PARD3B: variants seen among roughly 807,000 people sequenced by gnomAD.
PARD3B encodes the protein par-3 family cell polarity regulator beta, also known as partitioning defective 3 homolog B.
PARD3B carries 103 observed loss-of-function variants against 130.2 expected under a neutral mutation model. That is an observed-to-expected ratio of 0.79 (90% CI 0.67 to 0.93). The LOEUF is 0.93. Ranked by LOEUF, PARD3B falls within the 40% of genes least tolerant of loss-of-function variation. PARD3B has a pLI of 0.00. For missense variants in PARD3B, 1,609 were observed against 1,499.2 expected (o/e 1.07, Z -1.21); for synonymous variants, 583 against 553.2 (o/e 1.05, Z -0.76).
chr2:204,932,765 A>G (rs974870666), intron 2 of PARD3B, among the ~76,000 whole-genome samples: 6 of 152,200 alleles, frequency 3.9e-5, no homozygotes, highest in Non-Finnish European at 7.4e-5. Flanking sequence ...ATAAACAGAC[A>G]AAACCATCAG....
chr2:204,570,528 C>A (rs998791196), intron 1 of PARD3B, among the ~76,000 whole-genome samples: 7 of 152,090 alleles, frequency 4.6e-5, no homozygotes, highest in Non-Finnish European at 7.3e-5. Context: ...GGTTTGGGGA[C>A]CTCTCAAAAA....
chr2:205,085,346 G>C (rs972363755), intron 4 of PARD3B, among the ~76,000 whole-genome samples: 2 of 151,930 alleles, frequency 1.3e-5, no homozygotes, highest in African/African-American at 4.8e-5. Context: ...AAAGGTAAGA[G>C]ACATTCAGTG....
rs1473762435 is a variant in PARD3B, at chr2:205,258,349, A to T, written c.2185+12527A>T. Among the ~76,000 whole-genome samples the T allele has an allele frequency of 1.3e-5, 2 of 151,946 alleles. No homozygotes were observed. Among genetic ancestry groups the T allele is most frequent in the African/African-American group, 4.8e-5 (2 of 41,362 alleles). On this transcript the variant is annotated intron_variant, in intron 16 of 22. Transcript: ENST00000406610. The surrounding 1 kb of genome is among the most constrained non-coding windows in gnomAD (Gnocchi z 4.9). ...TTCGATTAGCCCAGAGTGATCTTCC[A>T]CTCTATACGGCTGATTCACTCTGAT...
chr2:204,953,801 A>G (rs1197788866), intron 2 of PARD3B, among the ~76,000 whole-genome samples: 1 of 152,296 alleles, frequency 6.6e-6, no homozygotes, highest in East Asian at 1.9e-4. Context: ...ATTATGCTCA[A>G]CGTATTTCAC....
chr2:204,705,327 T>C (rs917266690), intron 2 of PARD3B, among the ~76,000 whole-genome samples: 2 of 152,168 alleles, frequency 1.3e-5, no homozygotes, highest in African/African-American at 2.4e-5. Context: ...ATTAATAATA[T>C]AGCAAGTAAT....
chr2:205,502,553 G>A (rs2050195542), intron 21 of PARD3B, among the ~76,000 whole-genome samples: 1 of 152,098 alleles, frequency 6.6e-6, no homozygotes, highest in South Asian at 2.1e-4. Flanking sequence ...ATATTGTTAT[G>A]AACTTAGAAC....
intron 18 of PARD3B, among the ~76,000 whole-genome samples, chr2:205,344,566 G>A (rs2043677903): frequency 6.6e-6 from 1 of 152,158 alleles, no homozygotes; most frequent in Non-Finnish European, 1.5e-5. Flanking sequence ...GATTTTGTGT[G>A]TCTGACTTCA....
At chr2:204,701,141 T>C (rs2037871612) in intron 2 of PARD3B, among the ~76,000 whole-genome samples, 2 of 152,178 alleles carry the variant, frequency 1.3e-5, no homozygotes. Context: ...TGAAAGATGA[T>C]TTTCAATATG....
chr2:205,534,055 C>CA (rs71410823), intron 21 of PARD3B, among the ~76,000 whole-genome samples: 3,934 of 129,334 alleles, frequency 0.03, 150 homozygotes, highest in African/African-American at 0.095. Context: ...GTGAAAAAGC[C>CA]AAAAAAAAAA....
At position 205,461,559 on chromosome 2, in the gene PARD3B, A is replaced by G. The variant is rs1323208964; in HGVS notation, c.3044+20887A>G. On this transcript the variant is annotated intron_variant, in intron 20 of 22. Transcript: ENST00000406610. The surrounding 1 kb of genome is among the most constrained non-coding windows in gnomAD (Gnocchi z 4.3). Reference sequence around the variant, plus strand: ...CCTCTACCTCCCAGAGACCTAACCTATTTCCCTATCACTTATTTTCAGGGC... The same window carrying G: ...CCTCTACCTCCCAGAGACCTAACCTGTTTCCCTATCACTTATTTTCAGGGC... 6.6e-6 allele frequency among the ~76,000 whole-genome samples: 1 copy of G among 152,056 alleles called. No individual in the cohort carries two copies. Among genetic ancestry groups the G allele is most frequent in the African/African-American group, 2.4e-5 (1 of 41,382 alleles).
Position 205,015,621 on chromosome 2 carries a change from A to G in PARD3B, c.395-31960A>G, listed in dbSNP as rs1696086899. The stretch of plus-strand genomic sequence containing the variant: ...ATGAATCAATGAATGAGTAAATTGG[A>G]GGATGTAATAAAGGTGGTTGACATC... On this transcript the variant is annotated intron_variant, in intron 3 of 22. Transcript: ENST00000406610. The surrounding 1 kb of genome is among the most constrained non-coding windows in gnomAD (Gnocchi z 4.5). Among the ~76,000 whole-genome samples, 1 of 152,182 alleles carries G rather than the reference A, an allele frequency of 6.6e-6. No individual in the cohort carries two copies. Among genetic ancestry groups the G allele is most frequent in the South Asian group, 2.1e-4 (1 of 4,822 alleles).
At chr2:205,586,858 T>C (rs1006315674) in intron 22 of PARD3B, among the ~76,000 whole-genome samples, 38 of 152,264 alleles carry the variant, frequency 2.5e-4, no homozygotes, top group African/African-American at 8.9e-4. Flanking sequence ...AACATCCCTG[T>C]AGTTATTTTT....
intron 1 of PARD3B, among the ~76,000 whole-genome samples, chr2:204,672,670 G>A (rs1055485460): frequency 6.6e-5 from 10 of 152,126 alleles, no homozygotes; most frequent in Admixed American, 5.2e-4. Flanking sequence ...TGGGAAGAGC[G>A]TTTCTTCCCA....
At chr2:204,764,096 T>A (rs1159322641) in intron 2 of PARD3B, among the ~76,000 whole-genome samples, 1 of 152,128 alleles carries the variant, frequency 6.6e-6, no homozygotes, top group African/African-American at 2.4e-5. Flanking sequence ...AAGAGTTTAA[T>A]GAGTGAAAGG....
chr2:205,301,827 C>G lies in PARD3B; in HGVS notation c.2630+126C>G. 1 of 1,416,782 alleles carries G rather than the reference C, an allele frequency of 7.1e-7. No homozygotes were observed. Among genetic ancestry groups the G allele is most frequent in the Non-Finnish European group, 1.0e-6 (1 of 1,000,328 alleles). 87.8% of individuals were successfully genotyped at this position (1,416,782 alleles called of 1,614,324 possible). ...TCTTCAGCCAAATGCATACGGCTCT[C>G]AATTCTGTGCTCGTTCTCTTTCTGC... On this transcript the variant is annotated intron_variant, in intron 18 of 22. Coordinates refer to ENST00000406610, the MANE Select transcript of PARD3B (RefSeq NM_001302769.2). The surrounding 1 kb of genome is among the most constrained non-coding windows in gnomAD (Gnocchi z 5.2).
rs145009098 is a variant in PARD3B at position 205,573,078 on chromosome 2, T to G, written c.3260+19675T>G. On this transcript the variant is annotated intron_variant, in intron 22 of 22. Coordinates refer to ENST00000406610, the MANE Select transcript of PARD3B (RefSeq NM_001302769.2). ...CCCCTTATAAAACCATCAGATCTCA[T>G]GAGAACTCACTCACTATCACAAGAA... is the stretch of plus-strand genomic sequence containing the variant. Among the ~76,000 whole-genome samples the G allele has an allele frequency of 4.3e-4, 66 of 152,194 alleles. 1 individual carries two copies. The East Asian group carries it at 0.012, about 28-fold the overall frequency.
chr2:204,968,547 A>C (rs1046206944), intron 3 of PARD3B, among the ~76,000 whole-genome samples: 6 of 152,298 alleles, frequency 3.9e-5, no homozygotes, highest in Middle Eastern at 3.4e-3. Flanking sequence ...CTTAACTTGC[A>C]GCCACTGTGA....
chr2:204,971,000 TTATAA>T (rs531795858), intron 3 of PARD3B, among the ~76,000 whole-genome samples: 190 of 152,368 alleles, frequency 1.2e-3, no homozygotes, highest in African/African-American at 4.3e-3. Context: ...TATGTGTTTG[TTATAA>T]TATCATTATT....
rs2048424174 is a variant in PARD3B at position 205,460,826 on chromosome 2, A to C, written c.3044+20154A>C. Among the ~76,000 whole-genome samples the C allele has an allele frequency of 6.6e-6, 1 of 152,052 alleles. No homozygotes were observed. The highest frequency in any genetic ancestry group is 2.4e-5 in the African/African-American group (1 of 41,398). On this transcript the variant is annotated intron_variant, in intron 20 of 22. Transcript: ENST00000406610. This position sits in a 1 kb window ranked among gnomAD's most constrained non-coding sequence, Gnocchi z 4.9. ...CCATTTTTTTCCTCACTTTTCTACC[A>C]CTATTGGTTGAAGTGCCCTTTATTT...
Sources: gnomAD v4.1 joint callset for allele counts (sites outside exome capture counted in the v4.1 genomes callset) on GRCh38, gnomAD v4.1.1 for gene constraint, Gnocchi (gnomAD v3.1) non-coding constraint, MANE v1.5 for transcripts, NCBI Gene and HGNC (gene_info 2026-07-23, HGNC 2026-07-21) for gene names.